The following SPATA9 variants were observed in gnomAD, a reference collection of about 807,000 sequenced individuals.
SPATA9 encodes spermatogenesis associated 9.
A neutral mutation model predicts 25.5 loss-of-function variants in SPATA9; 27 were observed. The observed-to-expected ratio is 1.06, with a 90% CI of 0.78 to 1.46. SPATA9 has a LOEUF of 1.46. SPATA9 is among the 40% of genes most tolerant of loss of function. The pLI is 0.00. For missense variants in SPATA9, 282 were observed against 297.5 expected (o/e 0.95, Z 0.38); for synonymous variants, 102 against 105.7 (o/e 0.97, Z 0.21).
At chr5:95,685,972 G>A (rs1753734387), upstream of SPATA9, among the ~76,000 whole-genome samples, 1 of 152,102 alleles carries the variant, frequency 6.6e-6, no homozygotes, top group Admixed American at 6.5e-5. Flanking sequence ...GAGTAGCTGG[G>A]ACTACAGGCA....
At chr5:95,711,445 T>A in the SPATA9 span, among the ~76,000 whole-genome samples, 1 of 152,090 alleles carries the variant, frequency 6.6e-6, no homozygotes, top group Non-Finnish European at 1.5e-5. Flanking sequence ...GTTTTCCAAT[T>A]ATACAAGTCA....
chr5:95,696,300 A>C (rs1178756223), intron 1 of SPATA9, among the ~76,000 whole-genome samples: 1 of 28,718 alleles, frequency 3.5e-5, no homozygotes, highest in African/African-American at 1.4e-4. Context: ...TTTAAAACTA[A>C]CAATAACATT....
upstream of SPATA9, chr5:95,683,036 T>G: frequency 8.0e-7 from 1 of 1,253,794 alleles, no homozygotes; most frequent in South Asian, 3.9e-5. Flanking sequence ...GAGAACCTGC[T>G]ACAGAATCTT....
At chr5:95,707,437 G>A in the SPATA9 span, among the ~76,000 whole-genome samples, 1 of 151,972 alleles carries the variant, frequency 6.6e-6, no homozygotes, top group African/African-American at 2.4e-5. Context: ...AATTCTCTCG[G>A]CCCCGAGGAA....
intron 1 of SPATA9, 42 bp from the exon 2 acceptor site, chr5:95,682,658 A>T (rs771996121): frequency 6.4e-7 from 1 of 1,553,744 alleles, no homozygotes; most frequent in East Asian, 2.2e-5. Context: ...CTTTGAAAAC[A>T]TCCCCTAAAT....
the SPATA9 span, among the ~76,000 whole-genome samples, chr5:95,727,126 TG>T: frequency 6.6e-6 from 1 of 152,164 alleles, no homozygotes; most frequent in Non-Finnish European, 1.5e-5. Context: ...TTAATGAAAA[TG>T]AATATGAAAC....
the SPATA9 span, among the ~76,000 whole-genome samples, chr5:95,714,506 C>T: frequency 1.4e-3 from 215 of 152,256 alleles, 2 homozygotes; most frequent in Non-Finnish European, 7.9e-4. Context: ...TCTGCAAGCT[C>T]TTGAGAAAGC....
At chr5:95,656,646 A>C (rs1033074069), downstream of SPATA9, 2 of 163,342 alleles carry the variant, frequency 1.2e-5, no homozygotes, top group Non-Finnish European at 2.6e-5. Flanking sequence ...TAATTTAAAA[A>C]ATTTAATTTT....
At chr5:95,731,595 T>C in the SPATA9 span, 1 of 1,585,374 alleles carries the variant, frequency 6.3e-7, no homozygotes, top group Non-Finnish European at 8.6e-7. Flanking sequence ...ATGAGCGGAT[T>C]GCGGGTGAAC....
At chr5:95,694,014 G>A (rs1753950946) in intron 1 of SPATA9, among the ~76,000 whole-genome samples, 1 of 152,098 alleles carries the variant, frequency 6.6e-6, no homozygotes, top group Admixed American at 6.5e-5. Flanking sequence ...TAAAAAAGTA[G>A]CCTGGTATAG....
At chr5:95,673,847 G>A (rs147488604) in intron 3 of SPATA9, among the ~76,000 whole-genome samples, 308 of 151,390 alleles carry the variant, frequency 2.0e-3, no homozygotes, top group African/African-American at 6.8e-3. Context: ...CAGTTCAAGT[G>A]ATTCTCCTGC....
At chr5:95,699,670 A>G (rs1754131362), upstream of SPATA9, among the ~76,000 whole-genome samples, 2 of 152,248 alleles carry the variant, frequency 1.3e-5, no homozygotes. Flanking sequence ...AGTCCAAGGC[A>G]GCTTACATTT....
chr5:95,708,920 GA>G, the SPATA9 span: 1 of 323,826 alleles, frequency 3.1e-6, no homozygotes, highest in South Asian at 4.7e-5. Flanking sequence ...TAAATAAAAA[GA>G]ATTAATCTAA....
the SPATA9 span, among the ~76,000 whole-genome samples, chr5:95,705,617 G>T: frequency 3.3e-5 from 5 of 152,106 alleles, no homozygotes; most frequent in South Asian, 8.3e-4. Context: ...TTTATAAAAA[G>T]AAAATGAATT....
At chr5:95,656,145 C>G (rs954230965), downstream of SPATA9, 1 of 1,613,816 alleles carries the variant, frequency 6.2e-7, no homozygotes, top group African/African-American at 1.3e-5. Flanking sequence ...CCCTAAAGAT[C>G]CATCAGCAAA....
Position 95,658,743 on chromosome 5 carries a change from T to C in SPATA9, c.645A>G (p.Ser215=). 2.5e-6 allele frequency: 4 copies of C among 1,613,900 alleles called. No individual in the cohort carries two copies. The East Asian group carries it at 6.7e-5, about 27-fold the overall frequency. ...CTGAAATGTCTGGCTTCTCCGGCAATGACCTATAAGGTTTTGCTTTGATTT... is the reference window on the plus strand; with the variant it reads ...CTGAAATGTCTGGCTTCTCCGGCAACGACCTATAAGGTTTTGCTTTGATTT... ...EGEIKAKPYR[S]LPEKPDISDY... is the part of the protein sequence containing the mutation. The change falls in exon 5 of 5, where the codon TCA becomes TCG. Residue 215 remains serine (S), a synonymous_variant. Coordinates refer to ENST00000274432, the MANE Select transcript of SPATA9 (RefSeq NM_031952.4).
the SPATA9 span, among the ~76,000 whole-genome samples, chr5:95,727,553 T>A: frequency 6.6e-6 from 1 of 152,130 alleles, no homozygotes; most frequent in Admixed American, 6.5e-5. Context: ...GAAAAAAATA[T>A]TGTTTGGGTT....
At chr5:95,676,526 G>A (rs1752964197) in intron 2 of SPATA9, among the ~76,000 whole-genome samples, 1 of 151,862 alleles carries the variant, frequency 6.6e-6, no homozygotes, top group African/African-American at 2.4e-5. Flanking sequence ...CTTTGTCATA[G>A]GCAATTATAA....
downstream of SPATA9, chr5:95,654,358 A>T (rs1485286823): frequency 1.4e-5 from 22 of 1,603,186 alleles, no homozygotes; most frequent in Non-Finnish European, 1.9e-5. Flanking sequence ...TACATTTGGG[A>T]GATATAGAGG....
Sources: gnomAD v4.1 joint callset for allele counts (sites outside exome capture counted in the v4.1 genomes callset) on GRCh38, gnomAD v4.1.1 for gene constraint, MANE v1.5 for transcripts, NCBI Gene and HGNC (gene_info 2026-07-23, HGNC 2026-07-21) for gene names.